The following PEBP4 variants were observed in gnomAD, a reference collection of about 807,000 sequenced individuals.
PEBP4 encodes phosphatidylethanolamine-binding protein 4.
PEBP4 carries 22 observed loss-of-function variants against 23.9 expected under a neutral mutation model. That is an observed-to-expected ratio of 0.92 (90% CI 0.66 to 1.31). The LOEUF is 1.31. Ranked by LOEUF, PEBP4 falls within the 40% of genes most tolerant of loss-of-function variation. The probability of loss-of-function intolerance (pLI) is 0.00; values close to 1 mark genes in which losing one functional copy is unlikely to be tolerated. For synonymous variants in PEBP4, 112 were observed against 99.3 expected (o/e 1.13, Z -0.76); for missense variants, 324 against 281.7 (o/e 1.15, Z -1.07).
At chr8:22,725,063 G>A in intron 5 of PEBP4, 107 bp from the exon 6 acceptor site, 1 of 750,256 alleles carries the variant, frequency 1.3e-6, no homozygotes, top group Non-Finnish European at 2.3e-6. Flanking sequence ...CCCCAGATCA[G>A]CACTCGGCCC....
At chr8:22,836,376 T>C (rs1252817346) in intron 3 of PEBP4, among the ~76,000 whole-genome samples, 1 of 152,240 alleles carries the variant, frequency 6.6e-6, no homozygotes, top group African/African-American at 2.4e-5. Context: ...TGACTTTTAC[T>C]CACAACAATA....
intron 3 of PEBP4, among the ~76,000 whole-genome samples, chr8:22,849,927 G>T (rs780065023): frequency 1.3e-5 from 2 of 152,088 alleles, no homozygotes; most frequent in Non-Finnish European, 2.9e-5. Flanking sequence ...TGAAGGAGGT[G>T]GCACATGTGG....
At chr8:22,844,268 T>C (rs1807382233) in intron 3 of PEBP4, among the ~76,000 whole-genome samples, 1 of 152,192 alleles carries the variant, frequency 6.6e-6, no homozygotes, top group South Asian at 2.1e-4. Context: ...AGACAGAGTT[T>C]CACTTTTGTT....
chr8:22,845,539 C>T (rs1563235038), intron 3 of PEBP4, among the ~76,000 whole-genome samples: 2 of 152,200 alleles, frequency 1.3e-5, no homozygotes, highest in East Asian at 1.9e-4. Context: ...AGTGAATAAA[C>T]CCAGCAGCAC....
At chr8:22,858,900 T>C (rs1419745569) in intron 3 of PEBP4, among the ~76,000 whole-genome samples, 2 of 152,120 alleles carry the variant, frequency 1.3e-5, no homozygotes, top group African/African-American at 4.8e-5. Context: ...TGAGCCAAGA[T>C]TGCACCACTG....
At chr8:22,761,877 A>G (rs1805514877) in intron 4 of PEBP4, among the ~76,000 whole-genome samples, 2 of 152,088 alleles carry the variant, frequency 1.3e-5, no homozygotes, top group African/African-American at 4.8e-5. Context: ...TTATAGCACA[A>G]TGCTTCTCAT....
At chr8:22,757,301 C>G (rs886638245) in intron 4 of PEBP4, 1 of 152,232 alleles carries the variant, frequency 6.6e-6, no homozygotes. Flanking sequence ...GAGGCCCAAG[C>G]CAGTTCTGAC....
intron 4 of PEBP4, among the ~76,000 whole-genome samples, chr8:22,773,218 T>A (rs989336322): frequency 6.6e-6 from 1 of 152,230 alleles, no homozygotes; most frequent in Non-Finnish European, 1.5e-5. Flanking sequence ...AAAGCTCCAA[T>A]TACAAAGCAG....
chr8:22,932,957 A>C (rs932189924), intron 1 of PEBP4, among the ~76,000 whole-genome samples: 14 of 150,202 alleles, frequency 9.3e-5, no homozygotes, highest in African/African-American at 3.5e-4. Context: ...GTGAGCCAAG[A>C]TCGTACTACT....
At chr8:22,866,307 T>C (rs1807901950) in intron 3 of PEBP4, among the ~76,000 whole-genome samples, 1 of 152,194 alleles carries the variant, frequency 6.6e-6, no homozygotes, top group African/African-American at 2.4e-5. Context: ...TTCGCTATCC[T>C]TCTCCGGGGT....
intron 4 of PEBP4, among the ~76,000 whole-genome samples, chr8:22,753,243 T>G (rs1805305704): frequency 6.6e-6 from 1 of 152,180 alleles, no homozygotes. Context: ...GCACCATCCC[T>G]ATATTCTTAG....
At chr8:22,751,464 A>T (rs906331111) in intron 4 of PEBP4, among the ~76,000 whole-genome samples, 7 of 152,084 alleles carry the variant, frequency 4.6e-5, no homozygotes, top group Non-Finnish European at 2.9e-5. Context: ...CTAAGGGAGG[A>T]ATCTAGGTGA....
rs936691341 is a variant in PEBP4 at position 22,865,651 on chromosome 8, G to A, written c.259-47916C>T. Among the ~76,000 whole-genome samples, 3 of 152,100 alleles carry A rather than the reference G, an allele frequency of 2.0e-5. No individual in the cohort carries two copies. The highest frequency in any genetic ancestry group is 4.4e-5 in the Non-Finnish European group (3 of 67,986). ...CTCAGAAAAGCCTCGGATGCTGCCC[G>A]GGAGGAGGAGGCAAAGGAAGACTCC... is the stretch of plus-strand genomic sequence containing the variant. On this transcript the variant is annotated intron_variant, in intron 3 of 6. Transcript: ENST00000256404. The surrounding 1 kb of genome is among the most constrained non-coding windows in gnomAD (Gnocchi z 6.9).
chr8:22,845,312 T>A (rs1294620641), intron 3 of PEBP4, among the ~76,000 whole-genome samples: 1 of 148,984 alleles, frequency 6.7e-6, no homozygotes, highest in African/African-American at 2.5e-5. Context: ...GGCAGGAGGA[T>A]CACTTGAGCC....
chr8:22,933,984 T>C (rs1250405832), intron 1 of PEBP4, among the ~76,000 whole-genome samples: 1 of 152,166 alleles, frequency 6.6e-6, no homozygotes, highest in Admixed American at 6.5e-5. Flanking sequence ...AGCTGGAGTG[T>C]GCAGAAATCA....
rs572580381 is a variant in PEBP4, at chr8:22,731,825, A to AT, written c.358-4606dup. On this transcript the variant is annotated intron_variant, in intron 4 of 6. Coordinates refer to ENST00000256404, the MANE Select transcript of PEBP4 (RefSeq NM_144962.3). ...AGGTGCCTGCCATGGCGCCCGGCTA[A>AT]TTTTTTTTTTTTTTTTAATTTTTTT... 7.3e-3 allele frequency among the ~76,000 whole-genome samples: 1,032 copies of AT among 141,426 alleles called. 4 individuals are homozygous for AT. Among genetic ancestry groups the AT allele is most frequent in the Admixed American group, 0.022 (316 of 14,206 alleles). The allele number at this position is 141,426 out of a possible 152,430, so 92.8% of individuals were successfully genotyped here.
At position 22,766,724 on chromosome 8, in the gene PEBP4, G is replaced by C. The variant is rs540496857; in HGVS notation, c.358-39504C>G. Among the ~76,000 whole-genome samples, 8 of 152,292 alleles carry C rather than the reference G, an allele frequency of 5.3e-5. No homozygotes were observed. In the South Asian group the frequency reaches 1.5e-3, roughly 28 times the overall value. ...GGGAATGGAATCCAATATGAAGATG[G>C]TTCTTTCTTTCTCTAACACTTTACT... On this transcript the variant is annotated intron_variant, in intron 4 of 6. Transcript: ENST00000256404.
At chr8:22,806,853 T>C (rs906062630) in intron 4 of PEBP4, among the ~76,000 whole-genome samples, 1 of 152,248 alleles carries the variant, frequency 6.6e-6, no homozygotes, top group Non-Finnish European at 1.5e-5. Flanking sequence ...AGCCAAGCTG[T>C]ACTGTGCTTA....
intron 3 of PEBP4, among the ~76,000 whole-genome samples, chr8:22,918,487 G>A (rs940079751): frequency 2.0e-5 from 3 of 152,260 alleles, no homozygotes; most frequent in East Asian, 1.9e-4. Flanking sequence ...CCAGGGCAAC[G>A]AAACCAAATC....
Sources: gnomAD v4.1 joint callset for allele counts (sites outside exome capture counted in the v4.1 genomes callset) on GRCh38, gnomAD v4.1.1 for gene constraint, Gnocchi (gnomAD v3.1) non-coding constraint, MANE v1.5 for transcripts, NCBI Gene and HGNC (gene_info 2026-07-23, HGNC 2026-07-21) for gene names.